Variants in DLG1 observed in about 807,000 individuals in gnomAD.
DLG1 encodes discs large MAGUK scaffold protein 1, also known as disks large homolog 1.
In DLG1, 42 loss-of-function variants were observed where a neutral mutation model predicts 123.4. The ratio of observed to expected loss-of-function variants is 0.34; its 90% CI spans 0.27 to 0.44. The LOEUF is 0.44. DLG1 is among the 20% of genes least tolerant of loss of function. The probability of loss-of-function intolerance (pLI) is 1.00; values close to 1 mark genes in which losing one functional copy is unlikely to be tolerated. For synonymous variants in DLG1, 317 were observed against 356.2 expected, an observed-to-expected ratio of 0.89 and a Z score of 1.24; for missense variants, 942 against 1,082.6, an observed-to-expected ratio of 0.87 and a Z score of 1.82.
At chr3:197,108,990 T>C (rs1768243718) in intron 13 of DLG1, among the ~76,000 whole-genome samples, 1 of 152,258 alleles carries the variant, frequency 6.6e-6, no homozygotes, top group African/African-American at 2.4e-5. Flanking sequence ...ACCATTTTAA[T>C]TCCCATGTCA....
At chr3:197,247,545 T>A (rs1005546343) in intron 4 of DLG1, among the ~76,000 whole-genome samples, 3 of 152,134 alleles carry the variant, frequency 2.0e-5, no homozygotes, top group Non-Finnish European at 4.4e-5. Flanking sequence ...GAAACGGGAC[T>A]CTTGTCATTG....
At chr3:197,215,256 CAT>C (rs1205444306) in intron 4 of DLG1, among the ~76,000 whole-genome samples, 6 of 152,050 alleles carry the variant, frequency 3.9e-5, no homozygotes, top group Non-Finnish European at 5.9e-5. Flanking sequence ...AACAGACTCA[CAT>C]GTGGGAATGA....
At chr3:197,181,456 G>A (rs377082695) in intron 5 of DLG1, among the ~76,000 whole-genome samples, 1 of 151,976 alleles carries the variant, frequency 6.6e-6, no homozygotes, top group Non-Finnish European at 1.5e-5. Context: ...TTCAATCTAC[G>A]TTGTTTCTAA....
intron 5 of DLG1, among the ~76,000 whole-genome samples, chr3:197,162,901 C>A (rs763067508): frequency 6.6e-6 from 1 of 152,070 alleles, no homozygotes; most frequent in African/African-American, 2.4e-5. Flanking sequence ...CATTACCAAG[C>A]AAGTGAAAAG....
At chr3:197,054,764 C>T (rs1730482556) in intron 23 of DLG1, among the ~76,000 whole-genome samples, 2 of 152,036 alleles carry the variant, frequency 1.3e-5, no homozygotes, top group South Asian at 4.1e-4. Flanking sequence ...CCCACCTCAG[C>T]TTTGCATGTA....
chr3:197,273,619 A>G (rs1764923614), intron 4 of DLG1, among the ~76,000 whole-genome samples: 1 of 152,102 alleles, frequency 6.6e-6, no homozygotes, highest in Non-Finnish European at 1.5e-5. Context: ...ATTAAACCAC[A>G]AGGTCAAAGA....
In DLG1 at chr3:197,296,414, C is replaced by CTG. The variant is rs1398824292; in HGVS notation, c.81_82dup (p.Arg28ThrfsTer8). The CTG allele has an allele frequency of 6.2e-7, 1 of 1,613,410 alleles. No individual in the cohort carries two copies. The highest frequency in any genetic ancestry group is 8.5e-7 in the Non-Finnish European group (1 of 1,179,428). On this transcript the variant is annotated frameshift_variant, in exon 3 of 25. Coordinates refer to ENST00000667157, the MANE Select transcript of DLG1 (RefSeq NM_001366207.1). LOFTEE classifies it high-confidence loss of function. ...CCGTTCTATGGAACTTCTGAGCTGT[C>CTG]TGTCTTCAGTTTGGCTTAGTTTTGA...
intron 14 of DLG1, among the ~76,000 whole-genome samples, chr3:197,101,300 A>T (rs1763301191): frequency 6.6e-6 from 1 of 152,206 alleles, no homozygotes; most frequent in Non-Finnish European, 1.5e-5. Flanking sequence ...TTACAGGATT[A>T]TCTTGGGAGT....
chr3:197,086,054 CAG>C (rs1402188198), intron 15 of DLG1, among the ~76,000 whole-genome samples: 3 of 151,724 alleles, frequency 2.0e-5, no homozygotes, highest in Admixed American at 6.6e-5. Context: ...TAGACAAATC[CAG>C]AGAGTTTGAA....
At chr3:197,266,216 AAAG>A (rs1425815594) in intron 4 of DLG1, among the ~76,000 whole-genome samples, 6 of 152,200 alleles carry the variant, frequency 3.9e-5, no homozygotes, top group Non-Finnish European at 8.8e-5. Flanking sequence ...TCAAGCATGT[AAAG>A]AAGCAAGGAA....
chr3:197,149,782 T>C lies in DLG1; in HGVS notation c.498A>G (p.Pro166=). Residue 166 remains proline, a synonymous_variant, in exon 6 of 25, where the codon CCA becomes CCG. Coordinates refer to ENST00000667157, the MANE Select transcript of DLG1 (RefSeq NM_001366207.1). ...CCAAGCTATCTGTGTTGACCAGTAC[T>C]GGGGGAGGATTTGCCTTTAAGAAGA... ...HISPIKANPP[P]VLVNTDSLET... The C allele has an allele frequency of 6.3e-7, 1 of 1,595,338 alleles. No homozygotes were observed. The highest frequency in any genetic ancestry group is 1.3e-5 in the African/African-American group (1 of 74,458).
At chr3:197,121,071 CAA>C (rs67858620) in intron 11 of DLG1, among the ~76,000 whole-genome samples, 62,187 of 151,434 alleles carry the variant, frequency 0.41, 13,387 homozygotes, top group East Asian at 0.74. Context: ...TTAGATGAAA[CAA>C]AAAAAACAAC....
chr3:197,170,790 G>C (rs995097598), intron 5 of DLG1, among the ~76,000 whole-genome samples: 6 of 152,176 alleles, frequency 3.9e-5, no homozygotes, highest in Non-Finnish European at 5.9e-5. Context: ...GTGTCTTCAT[G>C]ATGAACCCTT....
Position 197,115,910 on chromosome 3 carries a change from T to C in DLG1, c.1443+17A>G. ...AGTGAAAATAACAAAAACGTGATCT[T>C]GACTAACGTGTCTTACCGATATAAT... On this transcript the variant is annotated intron_variant, in intron 13 of 24. Coordinates refer to ENST00000667157, the MANE Select transcript of DLG1 (RefSeq NM_001366207.1). 6.2e-7 allele frequency: 1 copy of C among 1,605,842 alleles called. No individual in the cohort carries two copies. The highest frequency in any genetic ancestry group is 8.5e-7 in the Non-Finnish European group (1 of 1,177,788).
intron 5 of DLG1, among the ~76,000 whole-genome samples, chr3:197,166,992 T>C (rs1346552437): frequency 6.6e-6 from 1 of 151,896 alleles, no homozygotes; most frequent in Non-Finnish European, 1.5e-5. Context: ...GCACAAGATG[T>C]GTGTAGACAT....
chr3:197,195,670 C>T (rs1265877885), intron 4 of DLG1, among the ~76,000 whole-genome samples: 2 of 152,012 alleles, frequency 1.3e-5, no homozygotes, highest in Non-Finnish European at 1.5e-5. Context: ...TAAGTGGGAG[C>T]TAAACACTGA....
At chr3:197,234,739 G>C (rs1039702470) in intron 4 of DLG1, among the ~76,000 whole-genome samples, 6 of 152,050 alleles carry the variant, frequency 3.9e-5, no homozygotes, top group Non-Finnish European at 8.8e-5. Flanking sequence ...AAAATGACTA[G>C]AACACAGAAA....
At chr3:197,115,399 G>T (rs1434576953) in intron 13 of DLG1, among the ~76,000 whole-genome samples, 2 of 150,708 alleles carry the variant, frequency 1.3e-5, no homozygotes, top group Non-Finnish European at 3.0e-5. Flanking sequence ...CACATTAATA[G>T]CAGACAATAT....
At chr3:197,141,000 G>A (rs3773855) in intron 7 of DLG1, among the ~76,000 whole-genome samples, 31,997 of 152,092 alleles carry the variant, frequency 0.21, 4,283 homozygotes, top group East Asian at 0.61. Flanking sequence ...GAAAGGGTTC[G>A]ACTGCTACAA....
Sources: allele counts gnomAD v4.1 joint callset (sites outside exome capture counted in the v4.1 genomes callset), GRCh38; gene constraint gnomAD v4.1.1; transcripts MANE v1.5; gene names NCBI Gene and HGNC (gene_info 2026-07-23, HGNC 2026-07-21).